The following MCM9 variants were observed in gnomAD, a reference collection of about 807,000 sequenced individuals.
The protein encoded by MCM9 is minichromosome maintenance 9 homologous recombination repair factor.
A neutral mutation model predicts 72.8 loss-of-function variants in MCM9; 55 were observed. The observed-to-expected ratio is 0.76, with a 90% CI of 0.61 to 0.95. MCM9 has a LOEUF of 0.95. Among genes scored for constraint, MCM9 ranks in the 40% least tolerant of loss-of-function variants. The pLI, the probability that MCM9 is intolerant of heterozygous loss-of-function variation, is 0.00. For synonymous variants in MCM9, 480 were observed against 503.4 expected (o/e 0.95, Z 0.62); for missense variants, 1,279 against 1,377.0 (o/e 0.93, Z 1.13).
At chr6:118,886,042 T>C (rs1454090883) in intron 8 of MCM9, among the ~76,000 whole-genome samples, 1 of 122,182 alleles carries the variant, frequency 8.2e-6, no homozygotes. Context: ...TTCTCGTTAG[T>C]AGAATAAGGG....
rs561905380 is a variant in MCM9, at chr6:118,924,277, C to T, written c.305-150G>A. The T allele has an allele frequency of 1.3e-5, 9 of 717,874 alleles. No homozygotes were observed. In the East Asian group the frequency reaches 2.4e-4, roughly 19 times the overall value. 44.5% of individuals were successfully genotyped at this position (717,874 alleles called of 1,614,324 possible). On this transcript the variant is annotated intron_variant, in intron 3 of 13. Coordinates refer to ENST00000619706, the MANE Select transcript of MCM9 (RefSeq NM_017696.3). ...TACTAAGAAAAAATCAGATCATCAACTCTATTAAGAAAATATAAAGAATTA... is the reference window on the plus strand; with the variant it reads ...TACTAAGAAAAAATCAGATCATCAATTCTATTAAGAAAATATAAAGAATTA...
At chr6:118,901,752 T>C (rs1779810933) in intron 8 of MCM9, among the ~76,000 whole-genome samples, 1 of 152,204 alleles carries the variant, frequency 6.6e-6, no homozygotes, top group South Asian at 2.1e-4. Context: ...TAATTTCTGT[T>C]ACAAGTATTT....
At chr6:118,932,156 T>C (rs1782493467) in intron 2 of MCM9, among the ~76,000 whole-genome samples, 5 of 152,222 alleles carry the variant, frequency 3.3e-5, no homozygotes, top group Admixed American at 3.3e-4. Context: ...ATAGATACCA[T>C]TGTGTTACAA....
At position 118,921,971 on chromosome 6, in the gene MCM9, T is replaced by C. The variant is rs183611751; in HGVS notation, c.703+34A>G. 3.2e-5 allele frequency: 50 copies of C among 1,548,174 alleles called. No individual in the cohort carries two copies. In the Admixed American group the frequency reaches 5.6e-4, roughly 17 times the overall value. On this transcript the variant is annotated intron_variant, in intron 5 of 13. Coordinates refer to ENST00000619706, the MANE Select transcript of MCM9 (RefSeq NM_017696.3). ...TCCTAATCAATACTTTAGGACTACC[T>C]ACACAAGCTAAAAAAAAATTCCCCT...
At chr6:118,900,633 T>C in intron 8 of MCM9, 1 of 661,826 alleles carries the variant, frequency 1.5e-6, no homozygotes, top group East Asian at 2.5e-5. Context: ...AGCATTTCAC[T>C]GCCTTTCTGG....
chr6:118,932,197 T>C (rs768171418), intron 2 of MCM9, among the ~76,000 whole-genome samples: 2 of 152,212 alleles, frequency 1.3e-5, no homozygotes, highest in Non-Finnish European at 2.9e-5. Context: ...TACAATGATA[T>C]GATGTACAGG....
chr6:118,917,776 CAAGT>C lies in MCM9; in HGVS notation c.704-19_704-16del, dbSNP rs746038811. 6.2e-7 allele frequency: 1 copy of C among 1,610,548 alleles called. No individual in the cohort carries two copies. The highest frequency in any genetic ancestry group is 1.7e-5 in the Admixed American group (1 of 59,990). ...GAGGTCATCACCTAGGAAAAAGCAT[CAAGT>C]GAGTCCAGCAGTAGCATCCTGCATG... On this transcript the variant is annotated splice_polypyrimidine_tract_variant and intron_variant, in intron 5 of 13. Transcript: ENST00000619706.
At chr6:118,846,789 T>C (rs1308508764) in intron 9 of MCM9, among the ~76,000 whole-genome samples, 3 of 151,802 alleles carry the variant, frequency 2.0e-5, no homozygotes, top group Non-Finnish European at 4.4e-5. Flanking sequence ...AAAATTAGTA[T>C]ACCATCCAAC....
At chr6:118,843,716 ATATG>A (rs1775654724) in intron 9 of MCM9, among the ~76,000 whole-genome samples, 2 of 79,686 alleles carry the variant, frequency 2.5e-5, no homozygotes, top group African/African-American at 5.2e-5. Flanking sequence ...ATGTATATAT[ATATG>A]TATATATATA....
chr6:118,893,965 G>T, intron 8 of MCM9: 1 of 910,816 alleles, frequency 1.1e-6, no homozygotes, highest in Non-Finnish European at 1.3e-6. Context: ...CGCCCCCTCC[G>T]CCCCTCTCCG....
intron 13 of MCM9, 55 bp downstream of exon 13, chr6:118,826,091 CT>C: frequency 6.6e-7 from 1 of 1,517,726 alleles, no homozygotes; most frequent in Non-Finnish European, 8.8e-7. Context: ...CTTTGTTTCA[CT>C]AAATGCCAAA....
chr6:118,879,040 A>C (rs1208887184), intron 8 of MCM9, among the ~76,000 whole-genome samples: 3 of 152,168 alleles, frequency 2.0e-5, no homozygotes, highest in Non-Finnish European at 4.4e-5. Flanking sequence ...TGGGCAACAG[A>C]GGAAGACCCT....
chr6:118,866,302 G>C (rs1777213369), intron 8 of MCM9, among the ~76,000 whole-genome samples: 1 of 152,114 alleles, frequency 6.6e-6, no homozygotes, highest in South Asian at 2.1e-4. Flanking sequence ...AAAATAGAGA[G>C]TCATGGAAAA....
intron 9 of MCM9, among the ~76,000 whole-genome samples, chr6:118,832,915 T>C (rs1006238884): frequency 6.6e-6 from 1 of 152,212 alleles, no homozygotes; most frequent in Non-Finnish European, 1.5e-5. Flanking sequence ...ATCCTGGGAA[T>C]AGAGCAAGAT....
intron 8 of MCM9, chr6:118,905,863 A>T: frequency 2.7e-6 from 4 of 1,476,988 alleles, no homozygotes; most frequent in Non-Finnish European, 3.7e-6. Flanking sequence ...AACTACTTTT[A>T]CTATGCAATT....
intron 8 of MCM9, among the ~76,000 whole-genome samples, chr6:118,904,211 C>T (rs1401554794): frequency 2.0e-5 from 3 of 152,080 alleles, no homozygotes; most frequent in Admixed American, 6.5e-5. Context: ...TGAATTCAGC[C>T]TCCAGAAATG....
chr6:118,904,270 G>T (rs1358782728), intron 8 of MCM9, among the ~76,000 whole-genome samples: 7 of 152,204 alleles, frequency 4.6e-5, no homozygotes. Flanking sequence ...GAGTGAAGCT[G>T]ACTGAGGTTT....
chr6:118,871,744 G>A (rs555237931), intron 8 of MCM9, among the ~76,000 whole-genome samples: 1 of 151,700 alleles, frequency 6.6e-6, no homozygotes, highest in Non-Finnish European at 1.5e-5. Context: ...GTGAAACCCC[G>A]TCTCTACAAA....
In MCM9 at chr6:118,911,744, C is replaced by A; in HGVS notation, c.1056G>T (p.Gly352=). ...VRGESHLLLV[G]DPGTGKSQFL... is the part of the protein sequence containing the mutation. ...ACTGAGATTTCCCTGTGCCAGGATC[C>A]CCAACCAATAAAAGATGAGATTCTC... Residue 352 remains glycine, a synonymous_variant, in exon 8 of 14, where the codon GGG becomes GGT. Transcript: ENST00000619706. The A allele has an allele frequency of 6.2e-7, 1 of 1,612,614 alleles. No homozygotes were observed. The highest frequency in any genetic ancestry group is 8.5e-7 in the Non-Finnish European group (1 of 1,179,408).
Sources: allele counts gnomAD v4.1 joint callset (sites outside exome capture counted in the v4.1 genomes callset), GRCh38; gene constraint gnomAD v4.1.1; transcripts MANE v1.5; gene names NCBI Gene and HGNC (gene_info 2026-07-23, HGNC 2026-07-21).